Variants in BCORL1 observed in about 807,000 individuals in gnomAD.
The protein encoded by BCORL1 is BCL6 corepressor like 1.
In BCORL1, 7 loss-of-function variants were observed where a neutral mutation model predicts 87.6. The ratio of observed to expected loss-of-function variants is 0.08; its 90% CI spans 0.05 to 0.15. BCORL1 has a LOEUF of 0.15. BCORL1 is among the 10% of genes least tolerant of loss of function. The pLI is 1.00. For missense variants in BCORL1, 1,215 were observed against 1,499.7 expected, an observed-to-expected ratio of 0.81 and a Z score of 3.13; for synonymous variants, 591 against 634.4, an observed-to-expected ratio of 0.93 and a Z score of 1.03.
chrX:129,984,892 C>T (rs1307183572), intron 1 of BCORL1, among the ~76,000 whole-genome samples: 3 of 111,569 alleles, frequency 2.7e-5, no homozygotes, highest in Non-Finnish European at 5.7e-5. Context: ...GGGTGATATT[C>T]ATTCTTGGTG....
At chrX:130,048,359 T>C (rs778114284) in intron 11 of BCORL1, among the ~76,000 whole-genome samples, 1 of 112,156 alleles carries the variant, frequency 8.9e-6, no homozygotes, top group Admixed American at 9.5e-5. Flanking sequence ...GACTGTCTCC[T>C]GTCCGGTTGC....
At chrX:130,027,406 C>T (rs901701814) in intron 7 of BCORL1, among the ~76,000 whole-genome samples, 12 of 112,924 alleles carry the variant, frequency 1.1e-4, no homozygotes, top group Middle Eastern at 9.3e-3. Flanking sequence ...TGACAGCTGG[C>T]CTTCCAGGAA....
At position 130,028,754 on chromosome X, in the gene BCORL1, C is replaced by T; in HGVS notation, c.4198C>T (p.Leu1400Phe). Residue 1400 changes from leucine (L) to phenylalanine (F), a missense_variant, in exon 8 of 14, where the codon CTC (leucine) becomes TTC (phenylalanine). Physicochemically the swap from Leu to Phe is conservative, Grantham distance 22. This residue lies in a region of BCORL1 where 166 missense variants were observed against 196.5 expected (regional missense o/e 0.84). Coordinates refer to ENST00000540052, the MANE Select transcript of BCORL1 (RefSeq NM_001379451.1). ...GATCTCGGATTCACCAAACGGTTTC[C>T]TCCCAAATAACCTGGAAGAGCCAGC... ...QGISDSPNGF[L>F]PNNLEEPACL... is the part of the protein sequence containing the mutation. 2 of 1,211,042 alleles carry T rather than the reference C, an allele frequency of 1.7e-6. No individual in the cohort carries two copies. The highest frequency in any genetic ancestry group is 1.7e-5 in the African/African-American group (1 of 57,615).
intron 12 of BCORL1, among the ~76,000 whole-genome samples, chrX:130,051,381 T>G (rs1295401367): frequency 8.9e-6 from 1 of 112,443 alleles, no homozygotes; most frequent in Non-Finnish European, 1.9e-5. Flanking sequence ...GGGGAGAAAG[T>G]CAGGATGGAA....
intron 6 of BCORL1, 31 bp downstream of exon 6, chrX:130,023,008 A>C: frequency 2.7e-6 from 3 of 1,113,948 alleles, no homozygotes; most frequent in Non-Finnish European, 3.7e-6. Context: ...GGCCCCTCTC[A>C]GCATCTTCTA....
chrX:130,050,168 A>G (rs1043837232), intron 11 of BCORL1, among the ~76,000 whole-genome samples: 3 of 111,021 alleles, frequency 2.7e-5, no homozygotes, highest in Non-Finnish European at 5.7e-5. Context: ...AGGGTGGCTT[A>G]TGCCTGTAAT....
intron 1 of BCORL1, among the ~76,000 whole-genome samples, chrX:129,987,622 T>A (rs1603057912): frequency 9.0e-6 from 1 of 111,703 alleles, no homozygotes; most frequent in East Asian, 2.8e-4. Context: ...ATCCTAGGTA[T>A]CAGGAGATGA....
chrX:130,006,450 T>C (rs181125430), intron 2 of BCORL1, among the ~76,000 whole-genome samples: 24 of 103,391 alleles, frequency 2.3e-4, no homozygotes, highest in African/African-American at 2.8e-4. Flanking sequence ...AAGCTCTGCC[T>C]CCCGGGTTCA....
rs1217298096 is a variant in BCORL1, at chrX:130,015,659, C to T, written c.2887C>T (p.Pro963Ser). 4.1e-6 allele frequency: 5 copies of T among 1,211,858 alleles called. No individual in the cohort carries two copies. Among genetic ancestry groups the T allele is most frequent in the East Asian group, 5.9e-5 (2 of 33,842 alleles). ...SESHLCSDST[P>S]KMEGPQGACG... is the part of the protein sequence containing the mutation. ...GAGCCACCTCTGCTCTGACAGCACT[C>T]CTAAGATGGAAGGCCCCCAGGGGGC... Residue 963 changes from proline to serine, a missense_variant, in exon 4 of 14, where the codon CCT becomes TCT. Around this residue, in one of 5 missense-constraint regions of BCORL1, gnomAD observed 861 missense variants for 1,010.0 expected, o/e 0.85. Transcript: ENST00000540052.
intron 8 of BCORL1, among the ~76,000 whole-genome samples, chrX:130,034,050 C>T (rs777710742): frequency 7.1e-5 from 8 of 111,944 alleles, no homozygotes; most frequent in Non-Finnish European, 9.4e-5. Context: ...TGCCTATTTA[C>T]AGATAGGACT....
chrX:130,051,947 A>C lies in BCORL1; in HGVS notation c.5006A>C (p.Asp1669Ala), dbSNP rs763785881. 8.3e-7 allele frequency: 1 copy of C among 1,209,624 alleles called. No individual in the cohort carries two copies. Among genetic ancestry groups the C allele is most frequent in the Non-Finnish European group, 1.1e-6 (1 of 894,022 alleles). ...GGAGACGATCCGATGGAGGAGGATGATTTCATGTTTGAACTCTCAGACAAG... is the reference window on the plus strand; with the variant it reads ...GGAGACGATCCGATGGAGGAGGATGCTTTCATGTTTGAACTCTCAGACAAG... The part of the protein sequence containing the change: ...QEGDDPMEED[D>A]FMFELSDKPL... Residue 1669 changes from aspartate (D) to alanine (A), a missense_variant, in exon 13 of 14, where the codon GAT (aspartate) becomes GCT (alanine). By Grantham distance (126) the Asp-to-Ala change is moderately radical. This residue lies in a region of BCORL1 where 129 missense variants were observed against 157.5 expected (regional missense o/e 0.82). Coordinates refer to ENST00000540052, the MANE Select transcript of BCORL1 (RefSeq NM_001379451.1).
intron 2 of BCORL1, among the ~76,000 whole-genome samples, chrX:130,011,524 G>C (rs1358249335): frequency 2.8e-5 from 2 of 71,905 alleles, no homozygotes; most frequent in South Asian, 1.3e-3. Context: ...TTACAGGTGT[G>C]AGCCACCATG....
Position 130,043,032 on chromosome X carries a change from C to CTT in BCORL1, c.4840+3766_4840+3767dup, listed in dbSNP as rs748652223. Among the ~76,000 whole-genome samples the CTT allele has an allele frequency of 3.8e-3, 356 of 94,285 alleles. 1 individual carries two copies. Among genetic ancestry groups the CTT allele is most frequent in the African/African-American group, 0.013 (331 of 25,766 alleles). 81.9% of individuals were successfully genotyped at this position (94,285 alleles called of 115,157 possible). On this transcript the variant is annotated intron_variant, in intron 11 of 13. Transcript: ENST00000540052. ...AATTCAGTGGGATTTAGTACATTCT[C>CTT]TTTTTTTTTTTTTTTTTCCTGAGAC...
rs150565886 is a variant in BCORL1, at chrX:130,028,782, G to A, written c.4226G>A (p.Cys1409Tyr). 5.0e-6 allele frequency: 6 copies of A among 1,210,980 alleles called. No individual in the cohort carries two copies. Among genetic ancestry groups the A allele is most frequent in the African/African-American group, 1.7e-5 (1 of 57,540 alleles). ...CCAAATAACCTGGAAGAGCCAGCCT[G>A]CCTTGAAAATTCAGAAAAGCCATCA... ...FLPNNLEEPA[C>Y]LENSEKPSGK... is the part of the protein sequence containing the mutation. Residue 1409 changes from cysteine to tyrosine, a missense_variant, in exon 8 of 14, where the codon TGC becomes TAC. Physicochemically the swap from Cys to Tyr is radical, Grantham distance 194 (BLOSUM62 -2). Transcript: ENST00000540052.
rs1569360173 is a variant in BCORL1 at position 130,000,896 on chromosome X, T to TGTGTG, written c.-44-4292_-44-4291insGTGTG. 5.5e-3 allele frequency among the ~76,000 whole-genome samples: 539 copies of TGTGTG among 98,229 alleles called. 5 individuals carry two copies. The highest frequency in any genetic ancestry group is 0.019 in the African/African-American group (520 of 26,855). 85.3% of individuals were successfully genotyped at this position (98,229 alleles called of 115,157 possible). On this transcript the variant is annotated intron_variant, in intron 1 of 13. Transcript: ENST00000540052. ...GTAGTAAGCAAACATGGTGGATGCT[T>TGTGTG]TGTGTGTGTGTGTGTGTGTGTGTGT...
chrX:130,040,213 G>A (rs1204472738), intron 11 of BCORL1, among the ~76,000 whole-genome samples: 1 of 112,058 alleles, frequency 8.9e-6, no homozygotes, highest in Non-Finnish European at 1.9e-5. Context: ...ACTAAGGATT[G>A]GCCCAAAGCT....
In BCORL1 at chrX:130,017,452, C is replaced by T. The variant is rs749190039; in HGVS notation, c.3441+1239C>T. On this transcript the variant is annotated intron_variant, in intron 4 of 13. Coordinates refer to ENST00000540052, the MANE Select transcript of BCORL1 (RefSeq NM_001379451.1). ...TGTGTTTTTACATTTGTTATCTAATCGTTACAGTAACCATATGAGGTGAAT... is the reference window on the plus strand; with the variant it reads ...TGTGTTTTTACATTTGTTATCTAATTGTTACAGTAACCATATGAGGTGAAT... 1.4e-4 allele frequency among the ~76,000 whole-genome samples: 15 copies of T among 110,556 alleles called. No individual in the cohort carries two copies. The Middle Eastern group carries it at 0.014, about 101-fold the overall frequency.
At chrX:130,046,707 C>T (rs1034101113) in intron 11 of BCORL1, among the ~76,000 whole-genome samples, 13 of 111,093 alleles carry the variant, frequency 1.2e-4, no homozygotes, top group Non-Finnish European at 1.7e-4. Flanking sequence ...CCACCACACC[C>T]GGCTAATTTT....
At chrX:129,991,557 T>C (rs111382025) in intron 1 of BCORL1, among the ~76,000 whole-genome samples, 11,758 of 108,934 alleles carry the variant, frequency 0.11, 1,651 homozygotes, top group African/African-American at 0.37. Context: ...GCCCAGGCTG[T>C]TCTTAAACTC....
Sources: allele counts gnomAD v4.1 joint callset (sites outside exome capture counted in the v4.1 genomes callset), GRCh38; gene constraint gnomAD v4.1.1; regional missense constraint gnomAD v4.1.1; transcripts MANE v1.5; gene names NCBI Gene and HGNC (gene_info 2026-07-23, HGNC 2026-07-21).